The following NCAM2 variants were observed in gnomAD, a reference collection of about 807,000 sequenced individuals.
NCAM2 encodes the protein neural cell adhesion molecule 2, also known as N-CAM-2.
A neutral mutation model predicts 98.1 loss-of-function variants in NCAM2; 30 were observed. The ratio of observed to expected loss-of-function variants is 0.31; its 90% CI spans 0.23 to 0.41. NCAM2 has a LOEUF of 0.41. Ranked by LOEUF, NCAM2 falls within the 10% of genes least tolerant of loss-of-function variation. NCAM2 has a pLI of 1.00. For synonymous variants in NCAM2, 368 were observed against 342.4 expected (o/e 1.07, Z -0.83); for missense variants, 867 against 1,005.8 (o/e 0.86, Z 1.87).
intron 1 of NCAM2, among the ~76,000 whole-genome samples, chr21:21,158,481 C>T (rs951410524): frequency 1.3e-5 from 2 of 152,048 alleles, no homozygotes; most frequent in East Asian, 3.9e-4. Context: ...CGTTGTGGCA[C>T]GTGCCTGTAG....
intron 1 of NCAM2, among the ~76,000 whole-genome samples, chr21:21,209,912 G>A (rs182428558): frequency 6.6e-5 from 10 of 152,172 alleles, no homozygotes; most frequent in African/African-American, 2.2e-4. Context: ...AAGATATTGC[G>A]ACTAAAACAT....
At chr21:21,080,588 C>T (rs1160996421) in intron 1 of NCAM2, among the ~76,000 whole-genome samples, 3 of 143,502 alleles carry the variant, frequency 2.1e-5, no homozygotes, top group African/African-American at 7.8e-5. Flanking sequence ...TGCACTCCAG[C>T]CTGGGCAACA....
intron 15 of NCAM2, among the ~76,000 whole-genome samples, chr21:21,479,608 A>AATT (rs1491473437): frequency 0.028 from 3,526 of 127,392 alleles, 114 homozygotes; most frequent in African/African-American, 0.034. Context: ...AAAAAAAAAA[A>AATT]TTGTTGATGA....
At chr21:21,110,118 C>T (rs191503911) in intron 1 of NCAM2, among the ~76,000 whole-genome samples, 165 of 152,272 alleles carry the variant, frequency 1.1e-3, no homozygotes, top group African/African-American at 3.8e-3. Context: ...GAGTCCAAAG[C>T]ATTTGCAGCA....
At chr21:21,374,609 C>G (rs903907359) in intron 9 of NCAM2, among the ~76,000 whole-genome samples, 2 of 151,732 alleles carry the variant, frequency 1.3e-5, no homozygotes, top group African/African-American at 2.4e-5. Flanking sequence ...GTCAAGCTTT[C>G]ACAAAACCCC....
intron 4 of NCAM2, among the ~76,000 whole-genome samples, chr21:21,290,456 G>A (rs536269571): frequency 2.0e-5 from 3 of 151,938 alleles, no homozygotes; most frequent in African/African-American, 7.2e-5. Context: ...AACATTTCTT[G>A]TGGATTGGTT....
rs574692219 is a variant in NCAM2, at chr21:21,072,113, C to T, written c.55+73495C>T. ...ATTTTTAGTAGAGATGGGAGTTCAC[C>T]GTGTTAGCCAGGATGGTCTCGATCT... is the stretch of plus-strand genomic sequence containing the variant. On this transcript the variant is annotated intron_variant, in intron 1 of 17. Coordinates refer to ENST00000400546, the MANE Select transcript of NCAM2 (RefSeq NM_004540.5). Among the ~76,000 whole-genome samples the T allele has an allele frequency of 6.7e-4, 102 of 152,156 alleles. 1 individual carries two copies. Among genetic ancestry groups the T allele is most frequent in the African/African-American group, 2.3e-3 (95 of 41,500 alleles).
At chr21:21,385,446 C>G (rs915571112) in intron 9 of NCAM2, among the ~76,000 whole-genome samples, 1 of 151,090 alleles carries the variant, frequency 6.6e-6, no homozygotes, top group Non-Finnish European at 1.5e-5. Flanking sequence ...TCTTATACCA[C>G]CTGAACCAAG....
At chr21:21,449,627 A>T (rs1305638797) in intron 12 of NCAM2, among the ~76,000 whole-genome samples, 3 of 151,974 alleles carry the variant, frequency 2.0e-5, no homozygotes, top group African/African-American at 7.2e-5. Context: ...ACATTATTTA[A>T]CTTTTGGATT....
intron 12 of NCAM2, among the ~76,000 whole-genome samples, chr21:21,461,302 A>G (rs1982939906): frequency 6.6e-6 from 1 of 151,956 alleles, no homozygotes; most frequent in African/African-American, 2.4e-5. Flanking sequence ...GTTTTTATAT[A>G]AGGCAAAGTT....
chr21:21,324,322 C>T lies in NCAM2; in HGVS notation c.620-61C>T. On this transcript the variant is annotated intron_variant, in intron 5 of 17. Transcript: ENST00000400546. ...AAGCTTAAAATGTAGCAAAAATTCT[C>T]TAAATGATGGTAGTGAAGGTGTTTT... The T allele has an allele frequency of 3.3e-6, 4 of 1,221,170 alleles. No individual in the cohort carries two copies. In the South Asian group the frequency reaches 4.5e-5, roughly 14 times the overall value. The allele number at this position is 1,221,170 out of a possible 1,614,324, so 75.6% of individuals were successfully genotyped here. A position where few individuals can be genotyped will look rare whatever the true frequency, so the allele number is the denominator to read the frequency against.
At chr21:21,239,649 A>G (rs2070987707) in intron 1 of NCAM2, among the ~76,000 whole-genome samples, 1 of 152,116 alleles carries the variant, frequency 6.6e-6, no homozygotes, top group African/African-American at 2.4e-5. Flanking sequence ...ATAAATGTAG[A>G]CACTGATTCC....
At chr21:21,455,762 A>G (rs1982052973) in intron 12 of NCAM2, among the ~76,000 whole-genome samples, 1 of 151,982 alleles carries the variant, frequency 6.6e-6, no homozygotes, top group Non-Finnish European at 1.5e-5. Flanking sequence ...AAAATGAAAA[A>G]TTTGTGTTAA....
intron 10 of NCAM2, among the ~76,000 whole-genome samples, chr21:21,415,542 A>G (rs2076976698): frequency 2.6e-5 from 4 of 151,666 alleles, no homozygotes; most frequent in African/African-American, 9.7e-5. Flanking sequence ...TCACCGTGTT[A>G]GCCAGGATGA....
At chr21:21,215,951 A>G (rs2069883042) in intron 1 of NCAM2, among the ~76,000 whole-genome samples, 1 of 152,166 alleles carries the variant, frequency 6.6e-6, no homozygotes, top group African/African-American at 2.4e-5. Context: ...TATGAGCTGA[A>G]TTCGAATGCT....
intron 1 of NCAM2, among the ~76,000 whole-genome samples, chr21:21,136,072 A>T (rs990282041): frequency 5.3e-5 from 8 of 152,190 alleles, no homozygotes; most frequent in African/African-American, 1.9e-4. Flanking sequence ...CGCTCTGTTT[A>T]TATATCCATC....
intron 10 of NCAM2, among the ~76,000 whole-genome samples, chr21:21,410,670 A>G (rs950111047): frequency 6.6e-6 from 1 of 152,006 alleles, no homozygotes; most frequent in African/African-American, 2.4e-5. Context: ...CAATGTGGCT[A>G]TATAGCAAAG....
intron 10 of NCAM2, among the ~76,000 whole-genome samples, chr21:21,415,853 G>C (rs1253523616): frequency 6.6e-6 from 1 of 152,182 alleles, no homozygotes; most frequent in African/African-American, 2.4e-5. Flanking sequence ...TGGCTTAAGG[G>C]AGTATTGTGG....
At position 21,024,398 on chromosome 21, in the gene NCAM2, CAG is replaced by C. The variant is rs769040813; in HGVS notation, c.55+25784_55+25785del. 8.5e-5 allele frequency among the ~76,000 whole-genome samples: 13 copies of C among 152,090 alleles called. No individual in the cohort carries two copies. In the South Asian group the frequency reaches 2.3e-3, roughly 27 times the overall value. ...CAAGAAATCCTGGGGGGGGAAAAAA[CAG>C]AGAAAATTGAAGTATTTATTTATAA... On this transcript the variant is annotated intron_variant, in intron 1 of 17. Coordinates refer to ENST00000400546, the MANE Select transcript of NCAM2 (RefSeq NM_004540.5).
Sources: gnomAD v4.1 joint callset for allele counts (sites outside exome capture counted in the v4.1 genomes callset) on GRCh38, gnomAD v4.1.1 for gene constraint, MANE v1.5 for transcripts, NCBI Gene and HGNC (gene_info 2026-07-23, HGNC 2026-07-21) for gene names.